GABRB1: variants seen among roughly 807,000 people sequenced by gnomAD.
GABRB1 encodes the protein gamma-aminobutyric acid type A receptor subunit beta1, also known as gamma-aminobutyric acid receptor subunit beta-1.
Under a neutral mutation model 51.6 loss-of-function variants are expected in GABRB1, and 17 were observed. The ratio of observed to expected loss-of-function variants is 0.33; its 90% CI spans 0.23 to 0.49. GABRB1 has a LOEUF of 0.49. Among genes scored for constraint, GABRB1 ranks in the 20% least tolerant of loss-of-function variants. GABRB1 has a pLI of 0.99. For synonymous variants in GABRB1, 247 were observed against 218.9 expected (o/e 1.13, Z -1.14); for missense variants, 410 against 600.6 (o/e 0.68, Z 3.32).
chr4:47,288,243 C>CTATTATTAT (rs34976412), intron 4 of GABRB1, among the ~76,000 whole-genome samples: 2,862 of 148,202 alleles, frequency 0.019, 33 homozygotes, highest in South Asian at 0.036. Flanking sequence ...GGGCTTATTA[C>CTATTATTAT]TATTATTATT....
chr4:47,019,875 A>T (rs1263941558), intron 1 of GABRB1, among the ~76,000 whole-genome samples: 1 of 134,452 alleles, frequency 7.4e-6, no homozygotes, highest in Admixed American at 7.3e-5. Context: ...TGGCTAATTT[A>T]TATATATATA....
intron 4 of GABRB1, among the ~76,000 whole-genome samples, chr4:47,167,511 C>T (rs763798274): frequency 3.3e-5 from 5 of 152,022 alleles, no homozygotes; most frequent in Admixed American, 6.6e-5. Context: ...TTTTACCAGA[C>T]GTGAGCCCAG....
intron 8 of GABRB1, among the ~76,000 whole-genome samples, chr4:47,418,927 C>T (rs1729012947): frequency 6.6e-6 from 1 of 152,098 alleles, no homozygotes; most frequent in African/African-American, 2.4e-5. Context: ...TAGATTTTTC[C>T]CTTGTCATAA....
intron 4 of GABRB1, among the ~76,000 whole-genome samples, chr4:47,178,055 G>C (rs2109765224): frequency 6.6e-6 from 1 of 152,040 alleles, no homozygotes; most frequent in South Asian, 2.1e-4. Flanking sequence ...CCAGTCTTTG[G>C]ATATGATTAC....
At chr4:47,191,345 A>G (rs1472980169) in intron 4 of GABRB1, among the ~76,000 whole-genome samples, 1 of 152,136 alleles carries the variant, frequency 6.6e-6, no homozygotes, top group African/African-American at 2.4e-5. Flanking sequence ...TTCAGCTCAA[A>G]TACAATCCCC....
At chr4:47,091,221 C>T (rs566233128) in intron 3 of GABRB1, among the ~76,000 whole-genome samples, 18 of 152,000 alleles carry the variant, frequency 1.2e-4, no homozygotes, top group South Asian at 1.0e-3. Context: ...CAAAAAAGTC[C>T]GTTGAGAAAC....
At chr4:47,059,013 A>G (rs1278908061) in intron 3 of GABRB1, among the ~76,000 whole-genome samples, 1 of 152,220 alleles carries the variant, frequency 6.6e-6, no homozygotes, top group East Asian at 1.9e-4. Flanking sequence ...CTGATAGTCA[A>G]TGAGAAGATT....
At chr4:47,075,796 T>A (rs983052220) in intron 3 of GABRB1, among the ~76,000 whole-genome samples, 1 of 152,168 alleles carries the variant, frequency 6.6e-6, no homozygotes, top group Non-Finnish European at 1.5e-5. Context: ...AGGCTGGCAG[T>A]GGATATTTAA....
intron 8 of GABRB1, among the ~76,000 whole-genome samples, chr4:47,410,310 C>T (rs551763896): frequency 1.3e-5 from 2 of 152,214 alleles, no homozygotes; most frequent in African/African-American, 4.8e-5. Context: ...AGTAATCCTC[C>T]TATTGATAGA....
intron 5 of GABRB1, among the ~76,000 whole-genome samples, chr4:47,367,395 A>C (rs559172837): frequency 6.6e-6 from 1 of 152,354 alleles, no homozygotes; most frequent in Non-Finnish European, 1.5e-5. Flanking sequence ...TAAGTAATTT[A>C]TGGCTAAAGT....
In GABRB1 at chr4:47,107,589, A is replaced by G. The variant is rs186423638; in HGVS notation, c.241-53660A>G. ...AACCTCTCTGTGCCTCTGTTTATTC[A>G]TCTGTAAAATGGAGCCAATAATATC... On this transcript the variant is annotated intron_variant, in intron 3 of 8. Transcript: ENST00000295454. Among the ~76,000 whole-genome samples the G allele has an allele frequency of 7.0e-4, 106 of 152,132 alleles. 3 individuals carry two copies. The Middle Eastern group carries it at 0.01, about 15-fold the overall frequency.
chr4:47,113,013 A>G (rs979726426), intron 3 of GABRB1, among the ~76,000 whole-genome samples: 3 of 152,068 alleles, frequency 2.0e-5, no homozygotes, highest in African/African-American at 7.2e-5. Flanking sequence ...TTAGGCTTGA[A>G]ATGGAGTTAG....
At chr4:47,305,957 C>T (rs1312205263) in intron 4 of GABRB1, among the ~76,000 whole-genome samples, 1 of 152,004 alleles carries the variant, frequency 6.6e-6, no homozygotes. Flanking sequence ...ATGTGCTGAC[C>T]TCATAACAAA....
chr4:47,257,807 G>A (rs1244389642), intron 4 of GABRB1, among the ~76,000 whole-genome samples: 2 of 151,730 alleles, frequency 1.3e-5, no homozygotes, highest in African/African-American at 4.8e-5. Context: ...ATGACACTGA[G>A]AGTCTGTATA....
intron 5 of GABRB1, among the ~76,000 whole-genome samples, chr4:47,358,402 T>G (rs35892737): frequency 0.22 from 32,340 of 150,340 alleles, 3,695 homozygotes; most frequent in African/African-American, 0.31. Context: ...TATATATATA[T>G]ATAGAGAGAG....
intron 4 of GABRB1, among the ~76,000 whole-genome samples, chr4:47,245,093 C>T (rs576106778): frequency 2.2e-4 from 33 of 151,940 alleles, no homozygotes; most frequent in African/African-American, 6.8e-4. Flanking sequence ...ATTGATAGAC[C>T]GCTAGCAAGA....
At position 47,154,236 on chromosome 4, in the gene GABRB1, T is replaced by A. The variant is rs150209375; in HGVS notation, c.241-7013T>A. ...CAGGCCATTTTTCACTGAATGTCTT[T>A]GTCACATACAAATTATGGTTGTTTT... On this transcript the variant is annotated intron_variant, in intron 3 of 8. Transcript: ENST00000295454. 7.9e-3 allele frequency among the ~76,000 whole-genome samples: 1,184 copies of A among 150,562 alleles called. 14 individuals carry two copies. The highest frequency in any genetic ancestry group is 0.027 in the African/African-American group (1,124 of 41,036).
At chr4:47,334,266 A>AT (rs1444059340) in intron 5 of GABRB1, among the ~76,000 whole-genome samples, 1 of 152,112 alleles carries the variant, frequency 6.6e-6, no homozygotes, top group African/African-American at 2.4e-5. Flanking sequence ...TTTTAAGAAA[A>AT]TTTTTTAAAA....
intron 5 of GABRB1, among the ~76,000 whole-genome samples, chr4:47,362,698 A>G (rs1327212349): frequency 6.6e-6 from 1 of 152,142 alleles, no homozygotes; most frequent in Non-Finnish European, 1.5e-5. Flanking sequence ...GTTGCTGAGG[A>G]AGTAAAAGGA....
Sources: allele counts gnomAD v4.1 joint callset (sites outside exome capture counted in the v4.1 genomes callset), GRCh38; gene constraint gnomAD v4.1.1; transcripts MANE v1.5; gene names NCBI Gene and HGNC (gene_info 2026-07-23, HGNC 2026-07-21).